CHCHD7: variants seen among roughly 807,000 people sequenced by gnomAD.
CHCHD7 encodes the protein coiled-coil-helix-coiled-coil-helix domain-containing protein 7.
A neutral mutation model predicts 10.5 loss-of-function variants in CHCHD7; 7 were observed. The ratio of observed to expected loss-of-function variants is 0.67; its 90% CI spans 0.38 to 1.25. The LOEUF is 1.25. Among genes scored for constraint, CHCHD7 ranks in the 50% most tolerant of loss-of-function variants. CHCHD7 has a pLI of 0.02. For synonymous variants in CHCHD7, 40 were observed against 36.0 expected, an observed-to-expected ratio of 1.11 and a Z score of -0.40; for missense variants, 100 against 104.5, an observed-to-expected ratio of 0.96 and a Z score of 0.19.
chr8:56,212,567 G>A (rs1159044628), intron 1 of CHCHD7: 1 of 353,702 alleles, frequency 2.8e-6, no homozygotes, highest in Non-Finnish European at 5.1e-6. Flanking sequence ...CCCTGAATGT[G>A]CTATGGTTTT....
In CHCHD7 at chr8:56,218,462, CCTTCT is replaced by C. The variant is rs1469935542; in HGVS notation, c.*1032_*1036del. The C allele has an allele frequency of 1.8e-5, 4 of 216,518 alleles. No individual in the cohort carries two copies. The highest frequency in any genetic ancestry group is 3.7e-5 in the Non-Finnish European group (4 of 107,784). The allele number at this position is 216,518 out of a possible 1,614,324, so 13.4% of individuals were successfully genotyped here. The stretch of plus-strand genomic sequence containing the variant: ...TGTACTTGAAAACATTGCTTTTGTC[CCTTCT>C]CTTCATCTGGTCTTGGGTCAAGAAC... On this transcript the variant is annotated 3_prime_UTR_variant, in exon 4 of 4. Coordinates refer to ENST00000355315, the MANE Select transcript of CHCHD7 (RefSeq NM_001011671.3).
At position 56,216,431 on chromosome 8, in the gene CHCHD7, A is replaced by G. The variant is rs1416865950; in HGVS notation, c.55-2A>G. Reference sequence around the variant, plus strand: ...AAATGATGCCTCTCTTATATCTGTAAGGAATCTGATGCTTCCACCAGATGT... The same window carrying G: ...AAATGATGCCTCTCTTATATCTGTAGGGAATCTGATGCTTCCACCAGATGT... On this transcript the variant is annotated splice_acceptor_variant, in intron 2 of 3. Transcript: ENST00000355315. LOFTEE classifies it high-confidence loss of function. The G allele has an allele frequency of 6.2e-7, 1 of 1,613,976 alleles. No homozygotes were observed. Among genetic ancestry groups the G allele is most frequent in the African/African-American group, 1.3e-5 (1 of 74,930 alleles).
In CHCHD7 at chr8:56,218,383, G is replaced by C; in HGVS notation, c.*948G>C. The C allele has an allele frequency of 4.5e-6, 1 of 223,464 alleles. No individual in the cohort carries two copies. Among genetic ancestry groups the C allele is most frequent in the South Asian group, 1.8e-4 (1 of 5,418 alleles). The allele number at this position is 223,464 out of a possible 1,614,324, so 13.8% of individuals were successfully genotyped here. A position where few individuals can be genotyped will look rare whatever the true frequency, so the allele number is the denominator to read the frequency against. ...TGCCCACTGCCTTTTAGAATCGTTT[G>C]TTTTATTCATGGTAGTTTTATGAAG... On this transcript the variant is annotated 3_prime_UTR_variant, in exon 4 of 4. Transcript: ENST00000355315.
At chr8:56,212,525 G>T (rs1180974365) in intron 1 of CHCHD7, 9 of 243,824 alleles carry the variant, frequency 3.7e-5, no homozygotes. Context: ...TTATTAAGCA[G>T]TTTGCCCTTT....
At chr8:56,214,542 AT>A (rs1368480757) in intron 1 of CHCHD7, 55 bp from the exon 2 acceptor site, 8 of 1,332,038 alleles carry the variant, frequency 6.0e-6, no homozygotes, top group Non-Finnish European at 8.6e-6. Flanking sequence ...ATTGAGATGT[AT>A]TGATTTATTT....
intron 1 of CHCHD7, chr8:56,212,611 C>T: frequency 2.4e-6 from 1 of 409,972 alleles, no homozygotes. Flanking sequence ...CTTGGTTTTT[C>T]TTTCTGGTTA....
At chr8:56,212,888 G>C (rs1563405308) in intron 1 of CHCHD7, 2 of 1,604,752 alleles carry the variant, frequency 1.2e-6, no homozygotes, top group Non-Finnish European at 1.7e-6. Context: ...AACTCGAACT[G>C]GGTATATGTG....
intron 1 of CHCHD7, 121 bp from the exon 2 acceptor site, chr8:56,214,477 T>C: frequency 1.6e-6 from 1 of 636,894 alleles, no homozygotes; most frequent in Non-Finnish European, 2.8e-6. Context: ...ATACATGAAG[T>C]TCCTCACTAA....
rs984984548 is a variant in CHCHD7, at chr8:56,211,817, C to G, written c.-37C>G. 6.5e-6 allele frequency: 1 copy of G among 152,976 alleles called. No homozygotes were observed. Among genetic ancestry groups the G allele is most frequent in the Non-Finnish European group, 1.5e-5 (1 of 68,684 alleles). 9.5% of individuals were successfully genotyped at this position (152,976 alleles called of 1,614,324 possible). A position where few individuals can be genotyped will look rare whatever the true frequency, so the allele number is the denominator to read the frequency against. The stretch of plus-strand genomic sequence containing the variant: ...TTTGGAGCTGGAGACGGCCTGGGTG[C>G]TGGCGAAGCGGAGGCCGGAGGTGAG... On this transcript the variant is annotated 5_prime_UTR_variant, in exon 1 of 4. Transcript: ENST00000355315.
chr8:56,214,577 T>G, intron 1 of CHCHD7, 21 bp from the exon 2 acceptor site: 1 of 1,587,568 alleles, frequency 6.3e-7, no homozygotes, highest in Non-Finnish European at 8.6e-7. Flanking sequence ...GTATAATTAT[T>G]TTTTTTCTGT....
At chr8:56,216,680 C>A in intron 3 of CHCHD7, 149 bp downstream of exon 3, 1 of 845,318 alleles carries the variant, frequency 1.2e-6, no homozygotes, top group Non-Finnish European at 2.0e-6. Flanking sequence ...GCTACTTTAG[C>A]CGTGAAAGAT....
At chr8:56,212,912 A>G (rs1481985875) in intron 1 of CHCHD7, 1 of 1,574,654 alleles carries the variant, frequency 6.4e-7, no homozygotes, top group Admixed American at 1.7e-5. Context: ...TTACCTAGGT[A>G]TTATTTTTGA....
At chr8:56,213,031 G>C in intron 1 of CHCHD7, 1 of 610,976 alleles carries the variant, frequency 1.6e-6, no homozygotes, top group Non-Finnish European at 2.9e-6. Flanking sequence ...TTAAATCTAA[G>C]GTGTATGAAG....
intron 1 of CHCHD7, chr8:56,212,586 TC>T (rs1813068539): frequency 2.6e-6 from 1 of 380,592 alleles, no homozygotes; most frequent in Non-Finnish European, 4.7e-6. Flanking sequence ...TTGTGGCCCC[TC>T]CTTCATATCT....
intron 3 of CHCHD7, 172 bp downstream of exon 3, chr8:56,216,703 T>C: frequency 2.6e-6 from 2 of 756,422 alleles, no homozygotes; most frequent in Non-Finnish European, 4.6e-6. Context: ...TTGAGAGCTC[T>C]TGTTAGCTGC....
Position 56,214,632 on chromosome 8 carries a change from A to G in CHCHD7, c.19A>G (p.Arg7Gly). 1.2e-6 allele frequency: 2 copies of G among 1,613,564 alleles called. No homozygotes were observed. Among genetic ancestry groups the G allele is most frequent in the Non-Finnish European group, 1.7e-6 (2 of 1,179,580 alleles). Residue 7 changes from arginine (R) to glycine (G), a missense_variant, in exon 2 of 4, where the codon AGG (arginine) becomes GGG (glycine). Transcript: ENST00000355315. ...TGTTAGAATGCCCTCGGTAACACAG[A>G]GGCTGAGAGATCCTGACATAAATCC... MPSVTQ[R>G]LRDPDINPCL... is the part of the protein sequence containing the mutation.
At chr8:56,215,978 A>G (rs1233352717) in intron 2 of CHCHD7, among the ~76,000 whole-genome samples, 1 of 152,244 alleles carries the variant, frequency 6.6e-6, no homozygotes, top group Non-Finnish European at 1.5e-5. Flanking sequence ...GTTGTAGACC[A>G]GTTATTAGTG....
intron 3 of CHCHD7, among the ~76,000 whole-genome samples, 186 bp from the exon 4 acceptor site, chr8:56,217,133 ACTTCTATTTAAT>A (rs1421522214): frequency 2.6e-5 from 4 of 152,290 alleles, no homozygotes; most frequent in Non-Finnish European, 1.5e-5. Context: ...GGGAATGAGT[ACTTCTATTTAAT>A]TGTTACTAAT....
At position 56,216,303 on chromosome 8, in the gene CHCHD7, A is replaced by G. The variant is rs765467853; in HGVS notation, c.55-130A>G. 258 of 1,383,210 alleles carry G rather than the reference A, an allele frequency of 1.9e-4. 1 individual carries two copies. The highest frequency in any genetic ancestry group is 3.2e-4 in the East Asian group (13 of 40,148). 85.7% of individuals were successfully genotyped at this position (1,383,210 alleles called of 1,614,324 possible). A position where few individuals can be genotyped will look rare whatever the true frequency, so the allele number is the denominator to read the frequency against. ...GAGATTGTCCAGTTTTTATTAGTCT[A>G]CCCATCAAAATGAACACAAATGAAC... On this transcript the variant is annotated intron_variant, in intron 2 of 3. Transcript: ENST00000355315.
Sources: gnomAD v4.1 joint callset for allele counts (sites outside exome capture counted in the v4.1 genomes callset) on GRCh38, gnomAD v4.1.1 for gene constraint, MANE v1.5 for transcripts, NCBI Gene and HGNC (gene_info 2026-07-23, HGNC 2026-07-21) for gene names.